Variants in CUBN observed in about 807,000 individuals in gnomAD.
The protein encoded by CUBN is cubilin.
A neutral mutation model predicts 405.3 loss-of-function variants in CUBN; 282 were observed. That is an observed-to-expected ratio of 0.70 (90% CI 0.63 to 0.77). CUBN has a LOEUF of 0.77. Among genes scored for constraint, CUBN ranks in the 30% least tolerant of loss-of-function variants. The pLI, the probability that CUBN is intolerant of heterozygous loss-of-function variation, is 0.00. For synonymous variants in CUBN, 1,684 were observed against 1,617.0 expected, an observed-to-expected ratio of 1.04 and a Z score of -0.99; for missense variants, 4,514 against 4,475.2, an observed-to-expected ratio of 1.01 and a Z score of -0.25.
intron 4 of CUBN, among the ~76,000 whole-genome samples, chr10:17,125,116 G>A (rs1317363895): frequency 6.6e-6 from 1 of 152,122 alleles, no homozygotes; most frequent in East Asian, 1.9e-4. Context: ...ACAGGCGTGA[G>A]CCACCGTACC....
intron 56 of CUBN, 136 bp from the exon 57 acceptor site, chr10:16,877,233 T>C (rs372223409): frequency 1.3e-6 from 1 of 795,256 alleles, no homozygotes; most frequent in East Asian, 2.7e-5. Flanking sequence ...GATATTTAAC[T>C]TAGTTTCCTG....
chr10:17,040,253 G>A (rs546930581), intron 27 of CUBN, among the ~76,000 whole-genome samples: 23 of 152,122 alleles, frequency 1.5e-4, no homozygotes, highest in Non-Finnish European at 2.8e-4. Context: ...TTCAGAAAGG[G>A]TATCTAGTGA....
intron 28 of CUBN, among the ~76,000 whole-genome samples, chr10:17,017,147 G>T (rs375380933): frequency 6.6e-6 from 1 of 152,104 alleles, no homozygotes; most frequent in East Asian, 1.9e-4. Flanking sequence ...AAAACTGCCC[G>T]TGCTTTTGGT....
chr10:16,847,745 A>T (rs887207491), intron 60 of CUBN, among the ~76,000 whole-genome samples: 3 of 152,208 alleles, frequency 2.0e-5, no homozygotes, highest in Non-Finnish European at 4.4e-5. Flanking sequence ...TGATTCAGTT[A>T]CCGTAATTAC....
chr10:16,990,432 T>A lies in CUBN; in HGVS notation c.4252A>T (p.Ile1418Phe). 6.2e-7 allele frequency: 1 copy of A among 1,614,172 alleles called. No homozygotes were observed. Among genetic ancestry groups the A allele is most frequent in the Non-Finnish European group, 8.5e-7 (1 of 1,180,012 alleles). ...CCGGGGTCCGTCCTAATGTACCAGATACACTCCTTGTTTGGTGGATACCTG... is the reference window on the plus strand; with the variant it reads ...CCGGGGTCCGTCCTAATGTACCAGAAACACTCCTTGTTTGGTGGATACCTG... ...PNRYPPNKEC[I>F]WYIRTDPGSS... Residue 1418 changes from isoleucine to phenylalanine, a missense_variant, in exon 29 of 67, where the codon ATC becomes TTC. Physicochemically the swap from Ile to Phe is conservative, Grantham distance 21. Transcript: ENST00000377833.
intron 28 of CUBN, among the ~76,000 whole-genome samples, chr10:17,005,215 G>A (rs568806010): frequency 2.0e-5 from 3 of 152,126 alleles, no homozygotes; most frequent in East Asian, 3.9e-4. Flanking sequence ...CGTGTCCTGC[G>A]TCAACTTCTA....
At position 17,127,900 on chromosome 10, in the gene CUBN, T is replaced by C. The variant is rs767284803; in HGVS notation, c.277A>G (p.Ile93Val). ...HQIQKNKEDI[I>V]ELKGSAIGLP... ...CCAATTGCACTCCCTTTTAACTCTATAATATCTTCTTTGTTTTTCTGGATC... is the reference window on the plus strand; with the variant it reads ...CCAATTGCACTCCCTTTTAACTCTACAATATCTTCTTTGTTTTTCTGGATC... Residue 93 changes from isoleucine (I) to valine (V), a missense_variant, in exon 3 of 67, where the codon ATA becomes GTA. Ile to Val is a conservative substitution (Grantham distance 29). Around this residue, in one of 5 missense-constraint regions of CUBN, gnomAD observed 1,448 missense variants for 1,388.0 expected, o/e 1.04. Transcript: ENST00000377833. 3 of 1,608,264 alleles carry C rather than the reference T, an allele frequency of 1.9e-6. No homozygotes were observed. The highest frequency in any genetic ancestry group is 2.6e-6 in the Non-Finnish European group (3 of 1,175,574).
intron 40 of CUBN, among the ~76,000 whole-genome samples, chr10:16,930,470 A>T (rs1842330629): frequency 6.6e-6 from 1 of 152,218 alleles, no homozygotes; most frequent in Non-Finnish European, 1.5e-5. Flanking sequence ...GATGCCCCAA[A>T]ACCATGCTAT....
At chr10:16,989,785 G>A (rs1175434135) in intron 29 of CUBN, among the ~76,000 whole-genome samples, 2 of 152,186 alleles carry the variant, frequency 1.3e-5, no homozygotes, top group Non-Finnish European at 2.9e-5. Flanking sequence ...GCGCTCTGCG[G>A]CAGATGGCCC....
At position 17,129,197 on chromosome 10, in the gene CUBN, T is replaced by C. The variant is rs189082398; in HGVS notation, c.176A>G (p.Gln59Arg). 8.1e-6 allele frequency: 13 copies of C among 1,613,666 alleles called. No homozygotes were observed. In the East Asian group the frequency reaches 2.9e-4, roughly 36 times the overall value. The change falls in exon 2 of 67, where the codon CAA (glutamine) becomes CGA (arginine). Residue 59 changes from glutamine (Q) to arginine (R), a missense_variant. Around this residue, in one of 5 missense-constraint regions of CUBN, gnomAD observed 1,448 missense variants for 1,388.0 expected, o/e 1.04. Transcript: ENST00000377833. ...GNLVFLTGSA[Q>R]NIEFRTGSLG... is the part of the protein sequence containing the mutation. ...GGATCCGGTTCTAAACTCAATGTTT[T>C]GAGCAGACCCCGTAAGAAACACCAA...
chr10:16,965,567 T>G (rs972590504), intron 31 of CUBN: 2 of 128,822 alleles, frequency 1.6e-5, no homozygotes, highest in African/African-American at 5.9e-5. Context: ...ATATCTGTAT[T>G]TTTATTTCTA....
intron 54 of CUBN, among the ~76,000 whole-genome samples, chr10:16,891,886 C>CT (rs374577889): frequency 0.056 from 8,571 of 152,086 alleles, 789 homozygotes; most frequent in East Asian, 0.32. Flanking sequence ...TATTGCTACA[C>CT]AATCTGCAAT....
intron 14 of CUBN, among the ~76,000 whole-genome samples, chr10:17,088,921 C>T (rs1836189827): frequency 6.6e-6 from 1 of 152,178 alleles, no homozygotes; most frequent in Non-Finnish European, 1.5e-5. Context: ...CTGATGCTGA[C>T]CCCACTACCA....
intron 64 of CUBN, 47 bp from the exon 65 acceptor site, chr10:16,831,464 A>T: frequency 1.4e-6 from 2 of 1,477,066 alleles, no homozygotes; most frequent in Non-Finnish European, 1.9e-6. Context: ...TTCTTCTCTA[A>T]GGTATATACA....
intron 60 of CUBN, among the ~76,000 whole-genome samples, chr10:16,846,150 C>A (rs1025761664): frequency 5.9e-5 from 9 of 152,168 alleles, no homozygotes; most frequent in Non-Finnish European, 8.8e-5. Context: ...ATTGTGTAAG[C>A]TGAGGGAAGA....
intron 57 of CUBN, among the ~76,000 whole-genome samples, chr10:16,874,733 A>G (rs1025724024): frequency 6.6e-6 from 1 of 152,228 alleles, no homozygotes; most frequent in African/African-American, 2.4e-5. Flanking sequence ...GAATATTTAA[A>G]GGCTCATCTT....
chr10:16,895,777 G>T (rs958610740), intron 54 of CUBN, among the ~76,000 whole-genome samples: 1 of 152,008 alleles, frequency 6.6e-6, no homozygotes, highest in Admixed American at 6.6e-5. Flanking sequence ...ATGTACCTAC[G>T]TGGTTGAATT....
intron 4 of CUBN, among the ~76,000 whole-genome samples, chr10:17,124,977 A>T (rs1343151600): frequency 6.6e-6 from 1 of 151,916 alleles, no homozygotes; most frequent in African/African-American, 2.4e-5. Flanking sequence ...GACTACAGGA[A>T]TGTCCCACTA....
chr10:17,082,073 G>A (rs1835985375), intron 17 of CUBN, among the ~76,000 whole-genome samples: 2 of 152,012 alleles, frequency 1.3e-5, no homozygotes, highest in Non-Finnish European at 2.9e-5. Context: ...CAGCCACATC[G>A]GCTGTCTCTG....
Sources: allele counts gnomAD v4.1 joint callset (sites outside exome capture counted in the v4.1 genomes callset), GRCh38; gene constraint gnomAD v4.1.1; regional missense constraint gnomAD v4.1.1; transcripts MANE v1.5; gene names NCBI Gene and HGNC (gene_info 2026-07-23, HGNC 2026-07-21).